The following BRD10 variants were observed in gnomAD, a reference collection of about 807,000 sequenced individuals.
BRD10 encodes the protein bromodomain containing 10.
At chr9:5,956,120 A>G in the BRD10 span, among the ~76,000 whole-genome samples, 1 of 151,868 alleles carries the variant, frequency 6.6e-6, no homozygotes, top group African/African-American at 2.4e-5. Context: ...TACTCTGATT[A>G]GCTTAAAAAA....
chr9:5,970,311 A>T, the BRD10 span, among the ~76,000 whole-genome samples: 1 of 152,222 alleles, frequency 6.6e-6, no homozygotes, highest in African/African-American at 2.4e-5. Context: ...AAAATGTCAG[A>T]ATACAACACA....
the BRD10 span, chr9:5,933,744 A>T: frequency 2.1e-6 from 1 of 470,348 alleles, no homozygotes; most frequent in African/African-American, 2.0e-5. Context: ...TCGGGAGGGA[A>T]ACTTACCTCA....
chr9:6,007,927 C>G, the BRD10 span: 1 of 1,332,228 alleles, frequency 7.5e-7, no homozygotes, highest in Non-Finnish European at 9.5e-7. Context: ...CAGCCGCCGG[C>G]TCGGCTCGGT....
At chr9:5,994,993 T>A in the BRD10 span, among the ~76,000 whole-genome samples, 6 of 151,428 alleles carry the variant, frequency 4.0e-5, no homozygotes, top group Admixed American at 3.9e-4. Context: ...TCCGCCTCCC[T>A]GGTTCAAGCA....
chr9:6,008,039 C>A, the BRD10 span: 1 of 1,150,670 alleles, frequency 8.7e-7, no homozygotes. Flanking sequence ...TCTCCCCTCC[C>A]CCCCGGCGGC....
the BRD10 span, among the ~76,000 whole-genome samples, chr9:5,967,191 C>T: frequency 1.3e-5 from 2 of 152,200 alleles, no homozygotes; most frequent in African/African-American, 4.8e-5. Flanking sequence ...GTTAATTCCA[C>T]CTTTTTTTTT....
At chr9:5,901,428 G>C in the BRD10 span, among the ~76,000 whole-genome samples, 1 of 152,154 alleles carries the variant, frequency 6.6e-6, no homozygotes, top group Admixed American at 6.5e-5. Context: ...ATGAATGGGT[G>C]TTTGATTTTG....
chr9:5,980,873 T>A, the BRD10 span, among the ~76,000 whole-genome samples: 6 of 152,140 alleles, frequency 3.9e-5, no homozygotes, highest in East Asian at 9.6e-4. Context: ...TTAACCTACG[T>A]AACAAAATGA....
the BRD10 span, among the ~76,000 whole-genome samples, chr9:5,914,410 G>GTTTTTTTTTTT: frequency 6.6e-5 from 5 of 75,458 alleles, no homozygotes; most frequent in African/African-American, 3.0e-4. Context: ...AATCCAGATG[G>GTTTTTTTTTTT]TTTTTTTTTT....
the BRD10 span, chr9:5,920,597 T>A: frequency 6.2e-7 from 1 of 1,613,990 alleles, no homozygotes; most frequent in Non-Finnish European, 8.5e-7. Context: ...TGTGTTTACA[T>A]TTGTTGGCAC....
chr9:5,985,646 G>A, the BRD10 span, among the ~76,000 whole-genome samples: 2 of 152,228 alleles, frequency 1.3e-5, no homozygotes, highest in South Asian at 4.2e-4. Flanking sequence ...TTAGCCGGGT[G>A]TGGTGGTGCT....
At chr9:5,910,023 T>C in the BRD10 span, 1 of 152,180 alleles carries the variant, frequency 6.6e-6, no homozygotes, top group Non-Finnish European at 1.5e-5. Context: ...ACAACGAAGA[T>C]AATGAAAGTA....
the BRD10 span, among the ~76,000 whole-genome samples, chr9:5,894,392 C>A: frequency 6.6e-6 from 1 of 152,120 alleles, no homozygotes; most frequent in Admixed American, 6.5e-5. This position sits in a 1 kb window ranked among gnomAD's most constrained non-coding sequence, Gnocchi z 4.0. Context: ...ATCGGGGCAA[C>A]CAAGGCTGTA....
chr9:6,005,028 C>A, the BRD10 span, among the ~76,000 whole-genome samples: 1 of 152,132 alleles, frequency 6.6e-6, no homozygotes, highest in South Asian at 2.1e-4. Context: ...CTCTACTGGC[C>A]TAAGAATGTC....
At chr9:5,940,212 C>T in the BRD10 span, among the ~76,000 whole-genome samples, 2 of 152,050 alleles carry the variant, frequency 1.3e-5, no homozygotes, top group Non-Finnish European at 1.5e-5. Context: ...CTTGCTCTGT[C>T]GCCCAGGCTG....
chr9:5,955,630 G>A, the BRD10 span, among the ~76,000 whole-genome samples: 263 of 149,428 alleles, frequency 1.8e-3, no homozygotes, highest in Non-Finnish European at 2.0e-3. Context: ...TGACTGAACT[G>A]CAAATTTTGA....
chr9:5,913,996 C>T, the BRD10 span: 1 of 452,182 alleles, frequency 2.2e-6, no homozygotes, highest in Non-Finnish European at 4.4e-6. Context: ...AAAACTTGAT[C>T]ATTTCCCATG....
chr9:5,884,125 A>C, the BRD10 span, among the ~76,000 whole-genome samples: 1 of 152,202 alleles, frequency 6.6e-6, no homozygotes, highest in East Asian at 1.9e-4. Context: ...CCTGCCATTC[A>C]GGTATAAGCT....
At chr9:6,006,883 A>C in the BRD10 span, among the ~76,000 whole-genome samples, 6 of 152,202 alleles carry the variant, frequency 3.9e-5, no homozygotes, top group Admixed American at 3.9e-4. Flanking sequence ...ATCCCACAAA[A>C]ACTGTTCCTC....
Sources: gnomAD v4.1 joint callset for allele counts (sites outside exome capture counted in the v4.1 genomes callset) on GRCh38, gnomAD v4.1.1 for gene constraint, Gnocchi (gnomAD v3.1) non-coding constraint, MANE v1.5 for transcripts, NCBI Gene and HGNC (gene_info 2026-07-23, HGNC 2026-07-21) for gene names.